CCNY: variants seen among roughly 807,000 people sequenced by gnomAD.
The protein encoded by CCNY is cyclin Y.
Under a neutral mutation model 42.8 loss-of-function variants are expected in CCNY, and 19 were observed. The ratio of observed to expected loss-of-function variants is 0.44; its 90% confidence interval spans 0.31 to 0.65. The LOEUF is 0.65. Ranked by LOEUF, CCNY falls within the 30% of genes least tolerant of loss-of-function variation. The pLI, the probability that CCNY is intolerant of heterozygous loss-of-function variation, is 0.07. For synonymous variants in CCNY, 165 were observed against 162.7 expected, an observed-to-expected ratio of 1.01 and a Z score of -0.11; for missense variants, 370 against 437.3, an observed-to-expected ratio of 0.85 and a Z score of 1.37.
At chr10:35,415,422 T>C (rs1308428713) in intron 1 of CCNY, among the ~76,000 whole-genome samples, 1 of 151,936 alleles carries the variant, frequency 6.6e-6, no homozygotes, top group East Asian at 1.9e-4. Flanking sequence ...TGGTGCCTAA[T>C]CCTCAGGGCA....
chr10:35,271,248 A>G (rs1835163865), intron 3 of CCNY, among the ~76,000 whole-genome samples: 1 of 152,098 alleles, frequency 6.6e-6, no homozygotes, highest in South Asian at 2.1e-4. Flanking sequence ...TAGAGCAGAA[A>G]CCCACAAACA....
At chr10:35,516,437 TATCTC>T (rs1443257462) in intron 3 of CCNY, 81 bp from the exon 4 acceptor site, 16 of 858,320 alleles carry the variant, frequency 1.9e-5, no homozygotes, top group Non-Finnish European at 2.8e-5. Context: ...TCTGTGGTCT[TATCTC>T]AAGTTAAGCG....
intron 1 of CCNY, among the ~76,000 whole-genome samples, chr10:35,438,310 G>C (rs1838585442): frequency 6.9e-6 from 1 of 145,788 alleles, no homozygotes. Flanking sequence ...CACCATGCCT[G>C]ACTAATTAAA....
intron 1 of CCNY, among the ~76,000 whole-genome samples, chr10:35,427,807 CAGG>C (rs1406709177): frequency 6.6e-6 from 1 of 152,086 alleles, no homozygotes; most frequent in Non-Finnish European, 1.5e-5. Context: ...ACCTTCCCTG[CAGG>C]AAAGAGCAGC....
intron 3 of CCNY, among the ~76,000 whole-genome samples, chr10:35,321,364 T>C (rs1004326360): frequency 6.6e-6 from 1 of 152,014 alleles, no homozygotes; most frequent in Non-Finnish European, 1.5e-5. Context: ...ACAGATACAA[T>C]GTAATCTTAA....
chr10:35,351,537 G>A (rs1463845897), intron 1 of CCNY, among the ~76,000 whole-genome samples: 1 of 152,160 alleles, frequency 6.6e-6, no homozygotes, highest in Admixed American at 6.5e-5. Context: ...TTTTTCAGAT[G>A]CAACTAATCT....
intron 1 of CCNY, among the ~76,000 whole-genome samples, chr10:35,474,941 G>A (rs1226167055): frequency 6.6e-6 from 1 of 151,332 alleles, no homozygotes; most frequent in Non-Finnish European, 1.5e-5. Context: ...CCAATACAGA[G>A]AAGTGCTTAA....
At chr10:35,516,916 T>C (rs1840442729) in intron 4 of CCNY, among the ~76,000 whole-genome samples, 1 of 152,216 alleles carries the variant, frequency 6.6e-6, no homozygotes, top group Non-Finnish European at 1.5e-5. Context: ...TGTAGATTAC[T>C]TAAAATATAT....
intron 3 of CCNY, among the ~76,000 whole-genome samples, chr10:35,283,886 C>T (rs543599640): frequency 6.6e-6 from 1 of 152,212 alleles, no homozygotes; most frequent in African/African-American, 2.4e-5. Context: ...GAGTTCGAGA[C>T]CAGCCTAGCC....
At chr10:35,267,044 T>C (rs958677442) in intron 3 of CCNY, among the ~76,000 whole-genome samples, 2 of 148,472 alleles carry the variant, frequency 1.3e-5, no homozygotes, top group Non-Finnish European at 1.5e-5. Context: ...ATCGTGCCAT[T>C]GCACTCCAGC....
chr10:35,291,727 G>C, intron 3 of CCNY, among the ~76,000 whole-genome samples: 1 of 151,872 alleles, frequency 6.6e-6, no homozygotes. Context: ...AGTAGACATG[G>C]GGTTTCATCA....
At chr10:35,311,189 AT>A (rs1379048608) in intron 3 of CCNY, among the ~76,000 whole-genome samples, 2 of 152,052 alleles carry the variant, frequency 1.3e-5, no homozygotes, top group Non-Finnish European at 2.9e-5. Context: ...ACGGTGGTGC[AT>A]TCCTGTAGTC....
At chr10:35,569,015 T>C (rs1332275512) in intron 9 of CCNY, 39 bp from the exon 10 acceptor site, 8 of 1,368,654 alleles carry the variant, frequency 5.8e-6, no homozygotes, top group Admixed American at 1.7e-5. Flanking sequence ...GACGCAGATA[T>C]GGCCCGCCCT....
intron 3 of CCNY, among the ~76,000 whole-genome samples, chr10:35,325,492 T>C (rs1181054279): frequency 4.0e-5 from 6 of 151,032 alleles, no homozygotes; most frequent in Non-Finnish European, 7.4e-5. Flanking sequence ...TTTTTTTTTT[T>C]TTTTGAGACA....
intron 3 of CCNY, among the ~76,000 whole-genome samples, chr10:35,300,544 A>G (rs1835521843): frequency 6.6e-6 from 1 of 152,132 alleles, no homozygotes; most frequent in African/African-American, 2.4e-5. Flanking sequence ...GGCCAGAAGC[A>G]GTAGTCTTGT....
At chr10:35,446,180 T>G (rs1838786356) in intron 1 of CCNY, among the ~76,000 whole-genome samples, 1 of 152,252 alleles carries the variant, frequency 6.6e-6, no homozygotes, top group Non-Finnish European at 1.5e-5. Context: ...GATTGTTTGC[T>G]GATCAACAGA....
At chr10:35,467,393 G>A (rs1328472504) in intron 1 of CCNY, among the ~76,000 whole-genome samples, 1 of 152,156 alleles carries the variant, frequency 6.6e-6, no homozygotes, top group African/African-American at 2.4e-5. Flanking sequence ...TGGGACACTG[G>A]TGTGGAAAAA....
intron 1 of CCNY, among the ~76,000 whole-genome samples, chr10:35,404,399 C>T (rs1837711979): frequency 1.3e-5 from 2 of 152,070 alleles, no homozygotes. Context: ...GCTTCTAGGG[C>T]TGTTTTTAAG....
chr10:35,539,977 A>G (rs758183408), intron 7 of CCNY, among the ~76,000 whole-genome samples: 4 of 152,184 alleles, frequency 2.6e-5, no homozygotes, highest in Non-Finnish European at 5.9e-5. Flanking sequence ...TTTTCAGTAG[A>G]TTCTTTAGAA....
Sources: gnomAD v4.1 joint callset for allele counts (sites outside exome capture counted in the v4.1 genomes callset) on GRCh38, gnomAD v4.1.1 for gene constraint, MANE v1.5 for transcripts, NCBI Gene and HGNC (gene_info 2026-07-23, HGNC 2026-07-21) for gene names.